Variants in OXSR1 observed in about 807,000 individuals in gnomAD.
The protein encoded by OXSR1 is oxidative stress responsive kinase 1.
A neutral mutation model predicts 79.8 loss-of-function variants in OXSR1; 24 were observed. The ratio of observed to expected loss-of-function variants is 0.30; its 90% CI spans 0.22 to 0.42. The LOEUF (loss-of-function observed/expected upper bound fraction) is 0.42, where lower values mean the gene tolerates loss of function less well. Among genes scored for constraint, OXSR1 ranks in the 10% least tolerant of loss-of-function variants. The pLI is 1.00. For synonymous variants in OXSR1, 226 were observed against 209.2 expected (o/e 1.08, Z -0.69); for missense variants, 430 against 618.4 (o/e 0.70, Z 3.23).
At chr3:38,201,625 G>A (rs1702166417) in intron 4 of OXSR1, among the ~76,000 whole-genome samples, 1 of 152,036 alleles carries the variant, frequency 6.6e-6, no homozygotes. Context: ...CAGGAGAATG[G>A]TGTGAACCTG....
intron 1 of OXSR1, among the ~76,000 whole-genome samples, chr3:38,181,159 G>C (rs1385127044): frequency 6.7e-6 from 1 of 149,090 alleles, no homozygotes; most frequent in East Asian, 2.0e-4. Context: ...CTGTTGTTTA[G>C]ATAGAGCAAA....
In OXSR1 at chr3:38,254,928, C is replaced by T. The variant is rs1474567797; in HGVS notation, c.*2037C>T. The T allele has an allele frequency of 1.3e-5, 2 of 152,610 alleles. No homozygotes were observed. The highest frequency in any genetic ancestry group is 2.9e-5 in the Non-Finnish European group (2 of 68,076). The allele number at this position is 152,610 out of a possible 1,614,324, so 9.5% of individuals were successfully genotyped here. A position where few individuals can be genotyped will look rare whatever the true frequency, so the allele number is the denominator to read the frequency against. ...AAATAGAATTGGGCTGGGGTTTCTC[C>T]TTCTTTTCAGTTCATTGTTTGCCCT... On this transcript the variant is annotated 3_prime_UTR_variant, in exon 18 of 18. Coordinates refer to ENST00000311806, the MANE Select transcript of OXSR1 (RefSeq NM_005109.3).
intron 10 of OXSR1, among the ~76,000 whole-genome samples, chr3:38,231,538 C>T (rs912186652): frequency 2.6e-5 from 4 of 152,102 alleles, no homozygotes; most frequent in Non-Finnish European, 4.4e-5. Context: ...CAGTACCCTC[C>T]CATGACTCTC....
intron 1 of OXSR1, among the ~76,000 whole-genome samples, chr3:38,172,493 C>G (rs1701600897): frequency 6.6e-6 from 1 of 152,172 alleles, no homozygotes; most frequent in African/African-American, 2.4e-5. Context: ...AGGTGTGATT[C>G]ACCTAGCTTT....
At chr3:38,197,157 C>CA (rs1702085325) in intron 3 of OXSR1, among the ~76,000 whole-genome samples, 1 of 152,224 alleles carries the variant, frequency 6.6e-6, no homozygotes, top group South Asian at 2.1e-4. Flanking sequence ...TTCTGGATCA[C>CA]AAGCTTATGA....
At chr3:38,172,878 G>A (rs995541305) in intron 1 of OXSR1, among the ~76,000 whole-genome samples, 1 of 152,180 alleles carries the variant, frequency 6.6e-6, no homozygotes, top group African/African-American at 2.4e-5. Context: ...ACTGGAGGTG[G>A]CAGCCTAGGT....
intron 4 of OXSR1, among the ~76,000 whole-genome samples, chr3:38,213,023 A>G (rs1702417122): frequency 6.6e-6 from 1 of 152,192 alleles, no homozygotes; most frequent in African/African-American, 2.4e-5. Context: ...GGAAACATGG[A>G]TTGATTATCT....
At chr3:38,199,805 T>A (rs1702130488) in intron 4 of OXSR1, among the ~76,000 whole-genome samples, 1 of 152,120 alleles carries the variant, frequency 6.6e-6, no homozygotes. Flanking sequence ...TGCTGCCAAG[T>A]GGAGAATACG....
chr3:38,216,977 A>G (rs2125832745), intron 5 of OXSR1, among the ~76,000 whole-genome samples: 1 of 152,302 alleles, frequency 6.6e-6, no homozygotes, highest in South Asian at 2.1e-4. Flanking sequence ...ATGGTTTATT[A>G]CTATTAACAG....
Position 38,247,706 on chromosome 3 carries a change from C to T in OXSR1, c.1296C>T (p.Ile432=). ...GATCAGGTTCACAAGAAACCAAGAT[C>T]CCAATCAGTCTAGTACTAAGATTAA... ...SSGSGSQETK[I]PISLVLRLRN... is the part of the protein sequence containing the mutation. The change falls in exon 14 of 18, where the codon ATC becomes ATT. Residue 432 remains isoleucine, a synonymous_variant. Transcript: ENST00000311806. The T allele has an allele frequency of 6.2e-7, 1 of 1,611,618 alleles. No homozygotes were observed. The highest frequency in any genetic ancestry group is 8.5e-7 in the Non-Finnish European group (1 of 1,178,002).
At chr3:38,240,577 A>G (rs1703011192) in intron 11 of OXSR1, among the ~76,000 whole-genome samples, 1 of 152,130 alleles carries the variant, frequency 6.6e-6, no homozygotes, top group South Asian at 2.1e-4. Flanking sequence ...ATGGTCTCTA[A>G]TACCATTCCC....
At chr3:38,189,349 C>T (rs1701942140) in intron 2 of OXSR1, among the ~76,000 whole-genome samples, 1 of 152,120 alleles carries the variant, frequency 6.6e-6, no homozygotes, top group African/African-American at 2.4e-5. Context: ...ACTTACCTTT[C>T]CTTGAAATTC....
intron 4 of OXSR1, among the ~76,000 whole-genome samples, chr3:38,213,585 C>T (rs1186915738): frequency 6.6e-6 from 1 of 152,122 alleles, no homozygotes; most frequent in African/African-American, 2.4e-5. Context: ...TATGTGAATA[C>T]TGGTTCATTT....
At chr3:38,187,151 C>T (rs1167869194) in intron 2 of OXSR1, among the ~76,000 whole-genome samples, 1 of 152,166 alleles carries the variant, frequency 6.6e-6, no homozygotes, top group Non-Finnish European at 1.5e-5. Flanking sequence ...AAGAGAGATA[C>T]ATTCTATCAT....
intron 10 of OXSR1, among the ~76,000 whole-genome samples, chr3:38,231,330 G>T (rs1054504245): frequency 6.6e-6 from 1 of 150,844 alleles, no homozygotes; most frequent in Non-Finnish European, 1.5e-5. Flanking sequence ...AATCACTTGG[G>T]GACTTAAAAA....
At chr3:38,212,217 A>G (rs528646385) in intron 4 of OXSR1, among the ~76,000 whole-genome samples, 1 of 152,324 alleles carries the variant, frequency 6.6e-6, no homozygotes, top group East Asian at 1.9e-4. Context: ...TAGGCTTAGG[A>G]GAAAGTTGTT....
chr3:38,247,491 G>A (rs901870640), intron 13 of OXSR1, among the ~76,000 whole-genome samples, 177 bp from the exon 14 acceptor site: 14 of 152,250 alleles, frequency 9.2e-5, no homozygotes, highest in African/African-American at 3.4e-4. Flanking sequence ...TTCAGCTTTT[G>A]TTGCTGCCTT....
intron 2 of OXSR1, among the ~76,000 whole-genome samples, chr3:38,186,505 A>G (rs145362224): frequency 4.6e-5 from 7 of 152,268 alleles, no homozygotes; most frequent in African/African-American, 1.4e-4. Flanking sequence ...TCACTAATCT[A>G]CTGTCTGTCT....
At chr3:38,252,216 A>G (rs1336233684) in intron 16 of OXSR1, 112 bp from the exon 17 acceptor site, 4 of 777,352 alleles carry the variant, frequency 5.1e-6, no homozygotes, top group African/African-American at 1.7e-5. Context: ...GTCTGCTTCC[A>G]TTTTGATTGT....
Sources: gnomAD v4.1 joint callset for allele counts (sites outside exome capture counted in the v4.1 genomes callset) on GRCh38, gnomAD v4.1.1 for gene constraint, MANE v1.5 for transcripts, NCBI Gene and HGNC (gene_info 2026-07-23, HGNC 2026-07-21) for gene names.